The following DPP10 variants were observed in gnomAD, a reference collection of about 807,000 sequenced individuals.
The protein encoded by DPP10 is inactive dipeptidyl peptidase 10.
DPP10 carries 33 observed loss-of-function variants against 120.9 expected under a neutral mutation model. The ratio of observed to expected loss-of-function variants is 0.27; its 90% CI spans 0.21 to 0.37. DPP10 has a LOEUF of 0.37. Among genes scored for constraint, DPP10 ranks in the 10% least tolerant of loss-of-function variants. The pLI is 1.00. For missense variants in DPP10, 816 were observed against 942.8 expected, an observed-to-expected ratio of 0.87 and a Z score of 1.76; for synonymous variants, 337 against 326.1, an observed-to-expected ratio of 1.03 and a Z score of -0.36.
chr2:115,188,271 T>C (rs1368923361), intron 1 of DPP10, among the ~76,000 whole-genome samples: 1 of 152,200 alleles, frequency 6.6e-6, no homozygotes, highest in African/African-American at 2.4e-5. Context: ...AATTGAAAGA[T>C]GTGTATGGGC....
intron 1 of DPP10, among the ~76,000 whole-genome samples, chr2:115,045,272 T>C (rs372146436): frequency 4.6e-5 from 7 of 152,332 alleles, no homozygotes; most frequent in African/African-American, 9.6e-5. Flanking sequence ...ATTGATATAT[T>C]GTATATAGTC....
chr2:115,769,080 T>A (rs1476381800), intron 13 of DPP10, among the ~76,000 whole-genome samples: 1 of 152,068 alleles, frequency 6.6e-6, no homozygotes, highest in Non-Finnish European at 1.5e-5. Flanking sequence ...TTGACAAGGT[T>A]ATTGAGTCAA....
intron 5 of DPP10, among the ~76,000 whole-genome samples, chr2:115,574,156 T>C (rs1190587481): frequency 6.6e-6 from 1 of 152,136 alleles, no homozygotes; most frequent in African/African-American, 2.4e-5. Context: ...ATCTCCACCC[T>C]AGACCCTGTC....
At chr2:115,629,036 A>G (rs958418561) in intron 5 of DPP10, among the ~76,000 whole-genome samples, 19 of 152,058 alleles carry the variant, frequency 1.2e-4, no homozygotes, top group East Asian at 7.8e-4. Context: ...TCATTGTTCA[A>G]TTCCCACCTA....
chr2:114,704,650 C>A (rs1001043197), intron 1 of DPP10, among the ~76,000 whole-genome samples: 2 of 152,132 alleles, frequency 1.3e-5, no homozygotes, highest in Admixed American at 1.3e-4. Flanking sequence ...TAAACACTCT[C>A]TCTCCCTTTT....
chr2:115,812,908 G>A (rs913025243), intron 19 of DPP10, among the ~76,000 whole-genome samples: 6 of 149,286 alleles, frequency 4.0e-5, no homozygotes, highest in African/African-American at 1.5e-4. Flanking sequence ...GACCACAGAA[G>A]GCATTTATAT....
chr2:115,416,931 G>A (rs1340344835), intron 3 of DPP10, among the ~76,000 whole-genome samples: 1 of 152,170 alleles, frequency 6.6e-6, no homozygotes, highest in Non-Finnish European at 1.5e-5. Context: ...GACAGTGCCA[G>A]AAGCGAGCAT....
rs140713916 is a variant in DPP10, at chr2:114,706,502, C to G, written c.60+263664C>G. ...TTTGGTAACACTTGGCATTTTTTGA[C>G]TTGCAGACACATCCCTGCAATTTCT... On this transcript the variant is annotated intron_variant, in intron 1 of 25. Transcript: ENST00000410059. 9.3e-4 allele frequency among the ~76,000 whole-genome samples: 141 copies of G among 152,248 alleles called. 1 individual carries two copies. Among genetic ancestry groups the G allele is most frequent in the African/African-American group, 3.2e-3 (135 of 41,560 alleles).
chr2:115,177,208 GTA>G (rs1217154997), intron 1 of DPP10, among the ~76,000 whole-genome samples: 4 of 152,154 alleles, frequency 2.6e-5, no homozygotes, highest in Non-Finnish European at 5.9e-5. Context: ...GTACGTGTGT[GTA>G]TATGTGTATA....
At chr2:115,650,420 G>GT (rs1242440721) in intron 5 of DPP10, among the ~76,000 whole-genome samples, 5 of 134,482 alleles carry the variant, frequency 3.7e-5, no homozygotes. Context: ...AGGGGGGGGG[G>GT]GATAATCCAC....
chr2:115,571,391 C>T (rs2081329470), intron 5 of DPP10, among the ~76,000 whole-genome samples: 1 of 152,150 alleles, frequency 6.6e-6, no homozygotes, highest in South Asian at 2.1e-4. Flanking sequence ...CTCCCTCCCC[C>T]ATATAGTAGT....
intron 5 of DPP10, among the ~76,000 whole-genome samples, chr2:115,604,073 C>T (rs539590878): frequency 4.5e-4 from 35 of 77,420 alleles, no homozygotes; most frequent in African/African-American, 1.6e-3. Context: ...AACCTCCCTT[C>T]TAGCTGTTTT....
chr2:115,288,283 A>G (rs1197651199), intron 1 of DPP10, among the ~76,000 whole-genome samples: 5 of 151,800 alleles, frequency 3.3e-5, no homozygotes. Context: ...ATGATTAGTG[A>G]TGTTGAACAT....
At chr2:115,550,957 T>C (rs1194048678) in intron 5 of DPP10, among the ~76,000 whole-genome samples, 7 of 152,164 alleles carry the variant, frequency 4.6e-5, no homozygotes, top group Non-Finnish European at 5.9e-5. Flanking sequence ...ACATTCAAAA[T>C]ATAATTTATT....
At chr2:115,712,878 T>C (rs9308716) in intron 7 of DPP10, among the ~76,000 whole-genome samples, 3,600 of 152,030 alleles carry the variant, frequency 0.024, 149 homozygotes, top group African/African-American at 0.082. Context: ...CCATTGCAAA[T>C]GTTGGTCTAC....
intron 1 of DPP10, among the ~76,000 whole-genome samples, chr2:114,810,723 A>G (rs1685105172): frequency 6.6e-6 from 1 of 152,110 alleles, no homozygotes; most frequent in African/African-American, 2.4e-5. Flanking sequence ...GCTGATACCC[A>G]CTTTGGGACT....
At chr2:115,100,940 A>G (rs1309856653) in intron 1 of DPP10, among the ~76,000 whole-genome samples, 4 of 152,164 alleles carry the variant, frequency 2.6e-5, no homozygotes, top group Non-Finnish European at 5.9e-5. Flanking sequence ...GGAAAACTGC[A>G]TCACTTGCAG....
intron 5 of DPP10, among the ~76,000 whole-genome samples, chr2:115,604,320 G>C (rs2083557557): frequency 6.6e-6 from 1 of 152,066 alleles, no homozygotes; most frequent in Non-Finnish European, 1.5e-5. Flanking sequence ...TGGTCTCTGA[G>C]TCCTCAGTCT....
chr2:115,356,572 C>T (rs773059168), intron 3 of DPP10, among the ~76,000 whole-genome samples: 1 of 152,038 alleles, frequency 6.6e-6, no homozygotes, highest in Non-Finnish European at 1.5e-5. Flanking sequence ...TTGCCCTGGC[C>T]AGTACTTCCA....
Sources: gnomAD v4.1 joint callset for allele counts (sites outside exome capture counted in the v4.1 genomes callset) on GRCh38, gnomAD v4.1.1 for gene constraint, MANE v1.5 for transcripts, NCBI Gene and HGNC (gene_info 2026-07-23, HGNC 2026-07-21) for gene names.